NUSAP1: variants seen among roughly 807,000 people sequenced by gnomAD.
NUSAP1 encodes nucleolar and spindle associated protein 1, also known as nucleolar and spindle-associated protein 1.
NUSAP1 carries 32 observed loss-of-function variants against 52.8 expected under a neutral mutation model. The ratio of observed to expected loss-of-function variants is 0.61; its 90% CI spans 0.46 to 0.81. The LOEUF is 0.81. NUSAP1 is among the 40% of genes least tolerant of loss of function. The pLI is 0.00. For missense variants in NUSAP1, 499 were observed against 522.3 expected (o/e 0.96, Z 0.43); for synonymous variants, 195 against 183.1 (o/e 1.06, Z -0.52).
chr15:41,365,645 A>C, intron 7 of NUSAP1, 56 bp downstream of exon 7: 1 of 1,382,878 alleles, frequency 7.2e-7, no homozygotes, highest in Admixed American at 2.8e-5. Context: ...GGACTATATA[A>C]AAAAAAAATT....
At chr15:41,340,869 C>A (rs2048343019) in intron 1 of NUSAP1, among the ~76,000 whole-genome samples, 1 of 152,098 alleles carries the variant, frequency 6.6e-6, no homozygotes, top group Non-Finnish European at 1.5e-5. Context: ...CTTAGGCTTG[C>A]ACCACAAGCA....
At chr15:41,378,420 A>G (rs1412160999) in intron 10 of NUSAP1, among the ~76,000 whole-genome samples, 1 of 152,034 alleles carries the variant, frequency 6.6e-6, no homozygotes, top group Non-Finnish European at 1.5e-5. Context: ...CCCTGCTTGG[A>G]CCCTCGTGAC....
intron 4 of NUSAP1, among the ~76,000 whole-genome samples, chr15:41,355,360 A>C (rs910913513): frequency 1.3e-5 from 2 of 151,020 alleles, no homozygotes; most frequent in Non-Finnish European, 2.9e-5. Context: ...TTTAGTAGGG[A>C]CAGGGTTTCA....
intron 3 of NUSAP1, chr15:41,349,509 G>T (rs903014071): frequency 2.3e-5 from 7 of 303,934 alleles, no homozygotes; most frequent in African/African-American, 4.2e-5. Context: ...CTTAAGTGAG[G>T]TGTAGTAGGT....
chr15:41,357,622 T>G (rs149639774), intron 5 of NUSAP1, among the ~76,000 whole-genome samples: 1,700 of 151,970 alleles, frequency 0.011, 38 homozygotes, highest in African/African-American at 0.04. Context: ...TTTTGTATTT[T>G]TAGTAGAGAT....
At chr15:41,366,707 C>A (rs2049432434) in intron 7 of NUSAP1, among the ~76,000 whole-genome samples, 1 of 152,036 alleles carries the variant, frequency 6.6e-6, no homozygotes, top group South Asian at 2.1e-4. Flanking sequence ...ATTTTGAATT[C>A]TTTTTCTGGT....
At chr15:41,365,710 TTTC>T in intron 7 of NUSAP1, 121 bp downstream of exon 7, 1 of 657,734 alleles carries the variant, frequency 1.5e-6, no homozygotes, top group Non-Finnish European at 2.3e-6. Flanking sequence ...TGATGTTTCT[TTTC>T]TTTTCTTTTT....
chr15:41,377,955 A>G (rs1176881645), intron 10 of NUSAP1, among the ~76,000 whole-genome samples: 1 of 151,414 alleles, frequency 6.6e-6, no homozygotes, highest in Admixed American at 6.6e-5. Context: ...ACGCCACTGC[A>G]CTCCAGCCTG....
chr15:41,360,920 C>A (rs942817305), intron 6 of NUSAP1, among the ~76,000 whole-genome samples: 2 of 151,766 alleles, frequency 1.3e-5, no homozygotes, highest in Non-Finnish European at 2.9e-5. Flanking sequence ...ATGGCAAAAC[C>A]CTGTCTCTAC....
At chr15:41,342,783 G>A (rs1227742735) in intron 2 of NUSAP1, among the ~76,000 whole-genome samples, 1 of 152,082 alleles carries the variant, frequency 6.6e-6, no homozygotes, top group African/African-American at 2.4e-5. Context: ...AGGTTGCAGT[G>A]AGCCAGGATC....
At position 41,380,477 on chromosome 15, in the gene NUSAP1, GT is replaced by G; in HGVS notation, c.*293del. On this transcript the variant is annotated 3_prime_UTR_variant, in exon 11 of 11. Coordinates refer to ENST00000559596, the MANE Select transcript of NUSAP1 (RefSeq NM_016359.5). ...TAGATTTTTAATGTCAAGTTCCCAA[GT>G]TCCCCCTGCTGGTTCTAATATTAAC... is the stretch of plus-strand genomic sequence containing the variant. 1 of 231,468 alleles carries G rather than the reference GT, an allele frequency of 4.3e-6. No homozygotes were observed. Among genetic ancestry groups the G allele is most frequent in the Non-Finnish European group, 8.5e-6 (1 of 117,576 alleles). 14.3% of individuals were successfully genotyped at this position (231,468 alleles called of 1,614,324 possible).
intron 8 of NUSAP1, among the ~76,000 whole-genome samples, chr15:41,374,368 GA>G (rs1337452830): frequency 1.3e-5 from 2 of 152,138 alleles, no homozygotes; most frequent in East Asian, 3.8e-4. Context: ...TCATGTGGCA[GA>G]AAGAGAGCTA....
chr15:41,333,988 T>C (rs1346425061), intron 1 of NUSAP1, among the ~76,000 whole-genome samples: 1 of 152,258 alleles, frequency 6.6e-6, no homozygotes, highest in Non-Finnish European at 1.5e-5. Flanking sequence ...AGCGGTTTTA[T>C]ATATTTTGTT....
chr15:41,371,638 G>A lies in NUSAP1; in HGVS notation c.960G>A (p.Val320=). 6.2e-7 allele frequency: 1 copy of A among 1,601,454 alleles called. No individual in the cohort carries two copies. The highest frequency in any genetic ancestry group is 8.5e-7 in the Non-Finnish European group (1 of 1,176,812). ...VSGGTPKGEA[V]LGTHKLKTIT... is the part of the protein sequence containing the mutation. Reference sequence around the variant, plus strand: ...GGGGCACCCCAAAAGGCGAGGCTGTGCTTGGGACACACAAATTAAAGACCA... The same window carrying A: ...GGGGCACCCCAAAAGGCGAGGCTGTACTTGGGACACACAAATTAAAGACCA... The change falls in exon 8 of 11, where the codon GTG becomes GTA. Residue 320 remains valine (V), a synonymous_variant. Coordinates refer to ENST00000559596, the MANE Select transcript of NUSAP1 (RefSeq NM_016359.5).
intron 1 of NUSAP1, 21 bp downstream of exon 1, chr15:41,333,071 G>A (rs777514451): frequency 6.3e-6 from 10 of 1,588,924 alleles, no homozygotes; most frequent in Admixed American, 5.2e-5. Context: ...GGCGGTGCGG[G>A]TCCCTGGGCG....
chr15:41,346,196 C>T (rs1428917870), intron 2 of NUSAP1, among the ~76,000 whole-genome samples: 2 of 152,082 alleles, frequency 1.3e-5, no homozygotes, highest in Non-Finnish European at 2.9e-5. Flanking sequence ...CCACCTTGGC[C>T]TCCCAAAGTC....
chr15:41,349,536 C>G (rs747975428), intron 3 of NUSAP1: 19 of 251,242 alleles, frequency 7.6e-5, no homozygotes, highest in South Asian at 3.9e-4. Flanking sequence ...GAAAGAGAAA[C>G]AAGCATTAAA....
chr15:41,336,702 A>G (rs1196595828), intron 1 of NUSAP1, among the ~76,000 whole-genome samples: 6 of 126,518 alleles, frequency 4.7e-5, no homozygotes, highest in Non-Finnish European at 9.4e-5. Flanking sequence ...CCTAGGCTGC[A>G]GTGGCACAAT....
In NUSAP1 at chr15:41,375,616, C is replaced by T. The variant is rs148729750; in HGVS notation, c.1007-96C>T. ...GTGGGCCACCATGCCCAGCCTATAA[C>T]GTGTATTTTTAAGATTGAGAAGTAA... On this transcript the variant is annotated intron_variant, in intron 8 of 10. Transcript: ENST00000559596. 2,513 of 830,970 alleles carry T rather than the reference C, an allele frequency of 3.0e-3. 10 individuals are homozygous for T. The highest frequency in any genetic ancestry group is 3.8e-3 in the South Asian group (259 of 68,336). The allele number at this position is 830,970 out of a possible 1,614,324, so 51.5% of individuals were successfully genotyped here. A position where few individuals can be genotyped will look rare whatever the true frequency, so the allele number is the denominator to read the frequency against.
Sources: gnomAD v4.1 joint callset for allele counts (sites outside exome capture counted in the v4.1 genomes callset) on GRCh38, gnomAD v4.1.1 for gene constraint, MANE v1.5 for transcripts, NCBI Gene and HGNC (gene_info 2026-07-23, HGNC 2026-07-21) for gene names.